The following BBS1 variants were observed in gnomAD, a reference collection of about 807,000 sequenced individuals.
The protein encoded by BBS1 is BBSome complex member BBS1.
A neutral mutation model predicts 73.9 loss-of-function variants in BBS1; 60 were observed. That is an observed-to-expected ratio of 0.81 (90% confidence interval 0.66 to 1.01). BBS1 has a LOEUF of 1.01. Among genes scored for constraint, BBS1 ranks in the 50% least tolerant of loss-of-function variants. BBS1 has a pLI of 0.00. For missense variants in BBS1, 718 were observed against 770.3 expected (o/e 0.93, Z 0.80); for synonymous variants, 283 against 317.4 (o/e 0.89, Z 1.15).
chr11:66,521,139 A>G (rs1402389700), intron 8 of BBS1, 131 bp from the exon 9 acceptor site: 1 of 746,756 alleles, frequency 1.3e-6, no homozygotes, highest in Non-Finnish European at 2.4e-6. Context: ...GAAAAACTGT[A>G]TGAGTTTAAA....
At chr11:66,526,245 G>A in intron 12 of BBS1, 53 bp downstream of exon 12, 2 of 1,545,994 alleles carry the variant, frequency 1.3e-6, no homozygotes, top group East Asian at 4.5e-5. Flanking sequence ...GAAGGGACAG[G>A]CCTGCTTCTG....
At chr11:66,520,843 C>T (rs1189842241) in intron 8 of BBS1, 2 of 301,688 alleles carry the variant, frequency 6.6e-6, no homozygotes, top group Non-Finnish European at 1.3e-5. Flanking sequence ...AAACAGTCCT[C>T]TCACCTCATC....
chr11:66,516,244 G>C (rs905746448), intron 7 of BBS1, among the ~76,000 whole-genome samples: 1 of 149,578 alleles, frequency 6.7e-6, no homozygotes, highest in Non-Finnish European at 1.5e-5. Context: ...TCCTGCCTCA[G>C]CCTCCCAAGT....
intron 13 of BBS1, chr11:66,529,197 C>T (rs1303443013): frequency 4.9e-6 from 3 of 612,358 alleles, no homozygotes; most frequent in African/African-American, 3.0e-5. Flanking sequence ...GGGGTGGGGG[C>T]GGGGTGGGCC....
Position 66,514,584 on chromosome 11 carries a change from AT to A in BBS1, c.339del (p.Tyr113Ter), listed in dbSNP as rs1426746606. 6.2e-7 allele frequency: 1 copy of A among 1,613,910 alleles called. No homozygotes were observed. The highest frequency in any genetic ancestry group is 2.2e-5 in the East Asian group (1 of 44,892). ...GCACTTGCTTCAGGCCCTTGTGTCTATGTGTATAAGAATCTCAGACCCTACT... is the reference window on the plus strand; with the variant it reads ...GCACTTGCTTCAGGCCCTTGTGTCTAGTGTATAAGAATCTCAGACCCTACT... ...ALALASGPCV[Y>X]VYKNLRPYFK... On this transcript the variant is annotated frameshift_variant, in exon 4 of 17. Transcript: ENST00000318312. LOFTEE classifies it high-confidence loss of function.
At chr11:66,510,923 A>C (rs1855927575) in intron 1 of BBS1, 90 bp from the exon 2 acceptor site, 1 of 1,471,018 alleles carries the variant, frequency 6.8e-7, no homozygotes, top group Admixed American at 1.7e-5. Flanking sequence ...TCTGTACCTT[A>C]TGTTCAGAGT....
rs587777830 is a variant in BBS1 at position 66,523,475 on chromosome 11, TA to T, written c.851del (p.Tyr284SerfsTer5). 2.5e-6 allele frequency: 4 copies of T among 1,614,058 alleles called. No individual in the cohort carries two copies. Among genetic ancestry groups the T allele is most frequent in the Non-Finnish European group, 3.4e-6 (4 of 1,179,994 alleles). On this transcript the variant is annotated frameshift_variant, in exon 10 of 17. Coordinates refer to ENST00000318312, the MANE Select transcript of BBS1 (RefSeq NM_024649.5). LOFTEE classifies it high-confidence loss of function. ...ILRRDSKHPK[Y>X]CIELSAQPVG... ...CCACAGAGACTCCAAGCACCCCAAGTACTGCATCGAGCTGAGCGCCCAGCCT... is the reference window on the plus strand; with the variant it reads ...CCACAGAGACTCCAAGCACCCCAAGTCTGCATCGAGCTGAGCGCCCAGCCT...
chr11:66,522,719 GA>G, intron 9 of BBS1: 8 of 205,100 alleles, frequency 3.9e-5, no homozygotes, highest in East Asian at 2.6e-4. Flanking sequence ...TGGTATTAGG[GA>G]TATATTGATG....
intron 12 of BBS1, 110 bp from the exon 13 acceptor site, chr11:66,526,539 G>A (rs1437726457): frequency 7.3e-6 from 10 of 1,364,772 alleles, no homozygotes; most frequent in Admixed American, 1.7e-5. Context: ...TCTGGAAGAC[G>A]GATGTGTACA....
Position 66,521,761 on chromosome 11 carries a change from T to C in BBS1, c.830+385T>C, listed in dbSNP as rs11822730. 4.2e-3 allele frequency: 1,307 copies of C among 308,202 alleles called. 20 individuals are homozygous for C. Among genetic ancestry groups the C allele is most frequent in the African/African-American group, 0.026 (1,211 of 46,166 alleles). 19.1% of individuals were successfully genotyped at this position (308,202 alleles called of 1,614,324 possible). A position where few individuals can be genotyped will look rare whatever the true frequency, so the allele number is the denominator to read the frequency against. Reference sequence around the variant, plus strand: ...TCTCTACTAAAAATACAAAATTAGCTGGGCATGGTGGCGCATGCCTCTAGC... The same window carrying C: ...TCTCTACTAAAAATACAAAATTAGCCGGGCATGGTGGCGCATGCCTCTAGC... On this transcript the variant is annotated intron_variant, in intron 9 of 16. Transcript: ENST00000318312.
rs549210746 is a variant in BBS1, at chr11:66,510,657, A to G, written c.-3A>G. The G allele has an allele frequency of 2.5e-5, 40 of 1,614,116 alleles. No homozygotes were observed. In the African/African-American group the frequency reaches 4.9e-4, roughly 20 times the overall value. On this transcript the variant is annotated 5_prime_UTR_variant, in exon 1 of 17. Coordinates refer to ENST00000318312, the MANE Select transcript of BBS1 (RefSeq NM_024649.5). Reference sequence around the variant, plus strand: ...GCCGGTTGCCAGGACGACGCCTGCGAAGATGGCCGCTGCGTCCTCATCGGA... The same window carrying G: ...GCCGGTTGCCAGGACGACGCCTGCGGAGATGGCCGCTGCGTCCTCATCGGA...
At chr11:66,517,095 A>T (rs1465636439) in intron 7 of BBS1, among the ~76,000 whole-genome samples, 1 of 151,156 alleles carries the variant, frequency 6.6e-6, no homozygotes, top group African/African-American at 2.4e-5. Flanking sequence ...GCTACTCAGG[A>T]GGTTGAGGCA....
intron 15 of BBS1, 117 bp from the exon 16 acceptor site, chr11:66,531,539 C>A: frequency 7.4e-7 from 1 of 1,354,122 alleles, no homozygotes; most frequent in Non-Finnish European, 1.1e-6. Context: ...CAGCAGTTGT[C>A]CTGCCCACCC....
At position 66,521,252 on chromosome 11, in the gene BBS1, T is replaced by G. The variant is rs1284906055; in HGVS notation, c.724-18T>G. On this transcript the variant is annotated intron_variant, in intron 8 of 16. Coordinates refer to ENST00000318312, the MANE Select transcript of BBS1 (RefSeq NM_024649.5). ...GGGGCTCCAGAGAAATTGGAGTGTT[T>G]GCGCTTCTTGTTTGCAGATGAGCCT... is the stretch of plus-strand genomic sequence containing the variant. 3 of 1,602,286 alleles carry G rather than the reference T, an allele frequency of 1.9e-6. No homozygotes were observed. Among genetic ancestry groups the G allele is most frequent in the African/African-American group, 2.7e-5 (2 of 74,682 alleles).
chr11:66,531,516 ATCC>A (rs1856778791), intron 15 of BBS1, 137 bp from the exon 16 acceptor site: 1 of 1,101,144 alleles, frequency 9.1e-7, no homozygotes, highest in Non-Finnish European at 1.4e-6. Flanking sequence ...CCACACCTGC[ATCC>A]TCCTCCACCC....
intron 11 of BBS1, among the ~76,000 whole-genome samples, chr11:66,524,601 G>A (rs1046420119): frequency 6.6e-6 from 1 of 152,186 alleles, no homozygotes; most frequent in East Asian, 1.9e-4. Flanking sequence ...ATTCTGCACA[G>A]AGAATAGCAT....
chr11:66,518,757 CTTTT>C (rs58220840), intron 7 of BBS1, among the ~76,000 whole-genome samples: 1 of 131,618 alleles, frequency 7.6e-6, no homozygotes. Flanking sequence ...CAGCCCTTTT[CTTTT>C]TTTTTTTTTT....
At chr11:66,523,274 A>G in intron 9 of BBS1, 182 bp from the exon 10 acceptor site, 1 of 810,646 alleles carries the variant, frequency 1.2e-6, no homozygotes. Context: ...AGGAAGACAC[A>G]CTTGATGTTT....
At chr11:66,527,102 C>T in intron 13 of BBS1, 1 of 1,323,788 alleles carries the variant, frequency 7.6e-7, no homozygotes, top group Non-Finnish European at 1.0e-6. Flanking sequence ...TTTGACTGGG[C>T]ATGGTGGCTC....
Sources: gnomAD v4.1 joint callset for allele counts (sites outside exome capture counted in the v4.1 genomes callset) on GRCh38, gnomAD v4.1.1 for gene constraint, MANE v1.5 for transcripts, NCBI Gene and HGNC (gene_info 2026-07-23, HGNC 2026-07-21) for gene names.